Variants in EP400 observed in about 807,000 individuals in gnomAD.
EP400 encodes the protein E1A binding protein p400, also known as E1A-binding protein p400.
Under a neutral mutation model 354.1 loss-of-function variants are expected in EP400, and 105 were observed. The observed-to-expected ratio is 0.30, with a 90% CI of 0.25 to 0.35. The LOEUF (loss-of-function observed/expected upper bound fraction) is 0.35, where lower values mean the gene tolerates loss of function less well. Ranked by LOEUF, EP400 falls within the 10% of genes least tolerant of loss-of-function variation. The pLI is 1.00. For missense variants in EP400, 3,280 were observed against 4,121.0 expected, an observed-to-expected ratio of 0.80 and a Z score of 5.59; for synonymous variants, 1,646 against 1,716.9, an observed-to-expected ratio of 0.96 and a Z score of 1.02.
At chr12:132,047,478 G>A (rs1895143747) in intron 39 of EP400, among the ~76,000 whole-genome samples, 1 of 152,170 alleles carries the variant, frequency 6.6e-6, no homozygotes, top group Non-Finnish European at 1.5e-5. Flanking sequence ...GTCTGGGGGA[G>A]ACATCACATG....
chr12:132,058,782 G>A (rs553932947), intron 45 of EP400, among the ~76,000 whole-genome samples: 56 of 149,634 alleles, frequency 3.7e-4, no homozygotes, highest in African/African-American at 1.3e-3. Flanking sequence ...GGAGAAAAAC[G>A]ATTTCTTCCT....
Position 132,054,901 on chromosome 12 carries a change from T to G in EP400, c.7729-73T>G, listed in dbSNP as rs986616525. 6.9e-7 allele frequency: 1 copy of G among 1,457,770 alleles called. No homozygotes were observed. Among genetic ancestry groups the G allele is most frequent in the Non-Finnish European group, 9.6e-7 (1 of 1,041,948 alleles). The allele number at this position is 1,457,770 out of a possible 1,614,324, so 90.3% of individuals were successfully genotyped here. Reference sequence around the variant, plus strand: ...AGTTTGGATTTGATTCTGAATGAAGTGGAAGCCTTTGGAGGATTTATGCAG... The same window carrying G: ...AGTTTGGATTTGATTCTGAATGAAGGGGAAGCCTTTGGAGGATTTATGCAG... On this transcript the variant is annotated intron_variant, in intron 43 of 52. Coordinates refer to ENST00000389561, the MANE Select transcript of EP400 (RefSeq NM_015409.5). This position sits in a 1 kb window ranked among gnomAD's most constrained non-coding sequence, Gnocchi z 4.0.
intron 5 of EP400, among the ~76,000 whole-genome samples, chr12:131,985,960 G>A (rs2136497371): frequency 6.6e-6 from 1 of 152,200 alleles, no homozygotes; most frequent in Non-Finnish European, 1.5e-5. Flanking sequence ...GAGGCACACT[G>A]AATTTGTATT....
chr12:132,008,980 C>T (rs1263690583), intron 15 of EP400, among the ~76,000 whole-genome samples: 1 of 121,784 alleles, frequency 8.2e-6, no homozygotes, highest in Non-Finnish European at 1.7e-5. Context: ...GTGGCATGAT[C>T]AGGGCTCACT....
At chr12:132,051,166 G>A (rs1294892866) in intron 41 of EP400, 1 of 178,350 alleles carries the variant, frequency 5.6e-6, no homozygotes, top group South Asian at 1.3e-4. Context: ...CAGGCACATG[G>A]GTGTCTGTAG....
chr12:132,062,660 C>A lies in EP400; in HGVS notation c.8293C>A (p.Gln2765Lys). The A allele has an allele frequency of 6.2e-7, 1 of 1,614,150 alleles. No homozygotes were observed. The highest frequency in any genetic ancestry group is 8.5e-7 in the Non-Finnish European group (1 of 1,180,034). Residue 2765 changes from glutamine to lysine, a missense_variant, in exon 47 of 53, where the codon CAG becomes AAG. Around this residue, in one of 20 missense-constraint regions of EP400, gnomAD observed 47 missense variants for 55.6 expected, o/e 0.85. Transcript: ENST00000389561. ...VQVPQIQGQA[Q>K]SPAQIKAVGK... The stretch of plus-strand genomic sequence containing the variant: ...AGTTCCACAGATCCAGGGCCAGGCC[C>A]AGTCCCCAGCACAGATCAAAGCTGT...
In EP400 at chr12:132,045,764, C is replaced by A. The variant is rs776231577; in HGVS notation, c.7064C>A (p.Thr2355Lys). Residue 2355 changes from threonine (T) to lysine (K), a missense_variant, in exon 39 of 53, where the codon ACA becomes AAA. Physicochemically the swap from Thr to Lys is moderately conservative, Grantham distance 78. Transcript: ENST00000389561. ...TTACTGGAGCTGCCTTTGAACCTCACAATCGTGTCACCTGCTCACACACCT... is the reference window on the plus strand; with the variant it reads ...TTACTGGAGCTGCCTTTGAACCTCAAAATCGTGTCACCTGCTCACACACCT... ...KQLLELPLNL[T>K]IVSPAHTPNW... The A allele has an allele frequency of 6.2e-7, 1 of 1,614,260 alleles. No individual in the cohort carries two copies.
Position 132,029,906 on chromosome 12 carries a change from A to G in EP400, c.5584+3A>G. The G allele has an allele frequency of 6.2e-7, 1 of 1,612,200 alleles. No homozygotes were observed. The highest frequency in any genetic ancestry group is 8.5e-7 in the Non-Finnish European group (1 of 1,179,546). On this transcript the variant is annotated splice_donor_region_variant and intron_variant, in intron 28 of 52. Coordinates refer to ENST00000389561, the MANE Select transcript of EP400 (RefSeq NM_015409.5). This position sits in a 1 kb window ranked among gnomAD's most constrained non-coding sequence, Gnocchi z 4.7. ...GAGGCTGGTGCAGTTCGACTCAGGT[A>G]TGCGGCAGTTGGGGGCGTGGCCCGT...
At chr12:131,981,415 A>C in intron 3 of EP400, 74 bp from the exon 4 acceptor site, 1 of 1,230,130 alleles carries the variant, frequency 8.1e-7, no homozygotes, top group Non-Finnish European at 1.1e-6. Context: ...TGATAAAAAC[A>C]CACATGTTTT....
intron 13 of EP400, among the ~76,000 whole-genome samples, chr12:132,005,777 G>A (rs1482689697): frequency 7.2e-5 from 11 of 152,096 alleles, no homozygotes; most frequent in Non-Finnish European, 5.9e-5. Flanking sequence ...TGATAGACGG[G>A]AGATCCCTAA....
Position 131,986,724 on chromosome 12 carries a change from C to G in EP400, c.2140C>G (p.Pro714Ala), listed in dbSNP as rs771087696. ...GACCCCAGGGGTGGTGGCATCTGCC[C>G]CCACCAAACCACAGAGTCCTGCTCA... ...SRTPGVVASA[P>A]TKPQSPAQNA... The change falls in exon 6 of 53, where the codon CCC becomes GCC. Residue 714 changes from proline (P) to alanine (A), a missense_variant. This residue lies in a region of EP400 where 800 missense variants were observed against 840.0 expected (regional missense o/e 0.95). Coordinates refer to ENST00000389561, the MANE Select transcript of EP400 (RefSeq NM_015409.5). The G allele has an allele frequency of 1.2e-6, 2 of 1,614,160 alleles. No individual in the cohort carries two copies. Among genetic ancestry groups the G allele is most frequent in the African/African-American group, 2.7e-5 (2 of 75,030 alleles).
intron 51 of EP400, 104 bp from the exon 52 acceptor site, chr12:132,076,412 C>T (rs11833839): frequency 0.079 from 87,610 of 1,114,428 alleles, 5,242 homozygotes; most frequent in African/African-American, 0.27. Context: ...GTCACCTGGT[C>T]ATTGTGTTTT....
intron 12 of EP400, among the ~76,000 whole-genome samples, chr12:131,998,903 A>G (rs1476635761): frequency 3.6e-5 from 4 of 111,180 alleles, no homozygotes. Flanking sequence ...CTTGTATACA[A>G]AGTCTTTGTA....
Position 131,990,212 on chromosome 12 carries a change from C to G in EP400, c.2550+108C>G. On this transcript the variant is annotated intron_variant, in intron 8 of 52. Transcript: ENST00000389561. The surrounding 1 kb of genome is among the most constrained non-coding windows in gnomAD (Gnocchi z 4.2). ...ACCTTGCTTAGGAAGCTTTCGAGCA[C>G]CAGAGTCAGCAACGTGTGCACTCTC... 7.5e-7 allele frequency: 1 copy of G among 1,333,634 alleles called. No individual in the cohort carries two copies. The highest frequency in any genetic ancestry group is 1.0e-6 in the Non-Finnish European group (1 of 978,138). 82.6% of individuals were successfully genotyped at this position (1,333,634 alleles called of 1,614,324 possible).
At chr12:132,010,957 C>T (rs571394458) in intron 15 of EP400, among the ~76,000 whole-genome samples, 1 of 152,232 alleles carries the variant, frequency 6.6e-6, no homozygotes, top group East Asian at 1.9e-4. Flanking sequence ...AAAACAAAAT[C>T]TTAGTTTTCT....
Position 132,027,265 on chromosome 12 carries a change from G to C in EP400, c.5015-172G>C, listed in dbSNP as rs1894337738. Among the ~76,000 whole-genome samples the C allele has an allele frequency of 6.6e-6, 1 of 152,234 alleles. No individual in the cohort carries two copies. The highest frequency in any genetic ancestry group is 1.5e-5 in the Non-Finnish European group (1 of 68,030). ...CTAAAGCATTTAAGTTTGAGCCCATGCACATTCCAGGCATGTGCTGGTGGA... is the reference window on the plus strand; with the variant it reads ...CTAAAGCATTTAAGTTTGAGCCCATCCACATTCCAGGCATGTGCTGGTGGA... On this transcript the variant is annotated intron_variant, in intron 25 of 52. Coordinates refer to ENST00000389561, the MANE Select transcript of EP400 (RefSeq NM_015409.5). This position sits in a 1 kb window ranked among gnomAD's most constrained non-coding sequence, Gnocchi z 4.9.
At chr12:132,071,430 C>G (rs1317782373) in intron 51 of EP400, among the ~76,000 whole-genome samples, 2 of 152,142 alleles carry the variant, frequency 1.3e-5, no homozygotes, top group Admixed American at 1.3e-4. Flanking sequence ...CCAGAGGCTT[C>G]CGGCTCAGGA....
rs1355416504 is a variant in EP400 at position 132,066,711 on chromosome 12, T to C, written c.8554-63T>C. Reference sequence around the variant, plus strand: ...CATGGCATGACCTCTTGTGGAGAAGTATTTGGAAAGACATACCGTGTCCTG... The same window carrying C: ...CATGGCATGACCTCTTGTGGAGAAGCATTTGGAAAGACATACCGTGTCCTG... On this transcript the variant is annotated intron_variant, in intron 48 of 52. Transcript: ENST00000389561. 4 of 1,501,308 alleles carry C rather than the reference T, an allele frequency of 2.7e-6. No individual in the cohort carries two copies. The African/African-American group carries it at 5.7e-5, about 21-fold the overall frequency. The allele number at this position is 1,501,308 out of a possible 1,614,324, so 93.0% of individuals were successfully genotyped here.
chr12:132,020,937 C>A (rs1252628631), intron 22 of EP400, 142 bp from the exon 23 acceptor site: 2 of 1,176,876 alleles, frequency 1.7e-6, no homozygotes, highest in Non-Finnish European at 2.3e-6. Flanking sequence ...TATATGGCCC[C>A]TCTTTTTTTC....
Sources: allele counts gnomAD v4.1 joint callset (sites outside exome capture counted in the v4.1 genomes callset), GRCh38; gene constraint gnomAD v4.1.1; regional missense constraint gnomAD v4.1.1; non-coding constraint Gnocchi (gnomAD v3.1); transcripts MANE v1.5; gene names NCBI Gene and HGNC (gene_info 2026-07-23, HGNC 2026-07-21).